The following AUTS2 variants were observed in gnomAD, a reference collection of about 807,000 sequenced individuals.
AUTS2 encodes the protein autism susceptibility gene 2 protein.
A neutral mutation model predicts 112.4 loss-of-function variants in AUTS2; 17 were observed. The observed-to-expected ratio is 0.15, with a 90% CI of 0.10 to 0.23. The LOEUF (loss-of-function observed/expected upper bound fraction) is 0.23. AUTS2 is among the 10% of genes least tolerant of loss of function. The pLI is 1.00. For synonymous variants in AUTS2, 751 were observed against 702.7 expected (o/e 1.07, Z -1.09); for missense variants, 1,510 against 1,701.6 (o/e 0.89, Z 1.98).
At chr7:69,827,495 G>A (rs1252959243) in intron 1 of AUTS2, among the ~76,000 whole-genome samples, 1 of 152,130 alleles carries the variant, frequency 6.6e-6, no homozygotes, top group Non-Finnish European at 1.5e-5. Flanking sequence ...GATGGCTGCA[G>A]TATATTCTTC....
chr7:69,850,327 A>T (rs1005910141), intron 1 of AUTS2, among the ~76,000 whole-genome samples: 1 of 145,366 alleles, frequency 6.9e-6, no homozygotes, highest in African/African-American at 2.5e-5. Flanking sequence ...AAACAAAAAA[A>T]CCCGGAGGTT....
intron 2 of AUTS2, among the ~76,000 whole-genome samples, chr7:70,081,157 C>T (rs1053462756): frequency 6.6e-6 from 1 of 151,836 alleles, no homozygotes; most frequent in Non-Finnish European, 1.5e-5. Flanking sequence ...AGAAGTGTTG[C>T]GATAATGGGA....
At chr7:69,627,523 AC>A (rs1794014196) in intron 1 of AUTS2, among the ~76,000 whole-genome samples, 1 of 152,174 alleles carries the variant, frequency 6.6e-6, no homozygotes, top group Admixed American at 6.5e-5. Flanking sequence ...ACAAAAAAAA[AC>A]AATAAAAAAA....
intron 4 of AUTS2, among the ~76,000 whole-genome samples, chr7:70,346,615 G>A (rs910965984): frequency 2.0e-5 from 3 of 152,068 alleles, no homozygotes; most frequent in Admixed American, 6.5e-5. Context: ...AGCTACCCCC[G>A]GGAAAGTCTG....
At chr7:70,361,577 A>G (rs970684288) in intron 4 of AUTS2, among the ~76,000 whole-genome samples, 1 of 152,128 alleles carries the variant, frequency 6.6e-6, no homozygotes, top group Non-Finnish European at 1.5e-5. Context: ...AGATGCCTTT[A>G]CGCTTCCTAG....
At chr7:70,229,204 C>A (rs1365755188) in intron 4 of AUTS2, among the ~76,000 whole-genome samples, 1 of 151,978 alleles carries the variant, frequency 6.6e-6, no homozygotes, top group Non-Finnish European at 1.5e-5. Context: ...GAATTAAGGT[C>A]TGTTGTCATT....
At chr7:70,743,400 C>T (rs1372960116) in intron 6 of AUTS2, among the ~76,000 whole-genome samples, 1 of 138,216 alleles carries the variant, frequency 7.2e-6, no homozygotes, top group Non-Finnish European at 1.5e-5. Context: ...ACTTGGGAGG[C>T]AGAGGTTGCA....
intron 1 of AUTS2, among the ~76,000 whole-genome samples, chr7:69,671,516 T>C (rs1796326352): frequency 6.6e-6 from 1 of 151,602 alleles, no homozygotes; most frequent in Non-Finnish European, 1.5e-5. Flanking sequence ...TGTGTGTGTG[T>C]GTGTGTGTCT....
chr7:69,724,267 T>G (rs903354391), intron 1 of AUTS2, among the ~76,000 whole-genome samples: 1 of 152,218 alleles, frequency 6.6e-6, no homozygotes, highest in African/African-American at 2.4e-5. Context: ...TTCTAGATTC[T>G]TTTTAACGAT....
chr7:70,520,923 A>G (rs1799617590), intron 5 of AUTS2, among the ~76,000 whole-genome samples: 1 of 152,152 alleles, frequency 6.6e-6, no homozygotes, highest in African/African-American at 2.4e-5. Flanking sequence ...ACGCTTGGAG[A>G]AACAATCTTT....
chr7:69,886,727 A>G (rs924622454), intron 1 of AUTS2, among the ~76,000 whole-genome samples: 1 of 151,094 alleles, frequency 6.6e-6, no homozygotes, highest in Non-Finnish European at 1.5e-5. Flanking sequence ...ACATATCAAG[A>G]GTTCTCTGCT....
intron 2 of AUTS2, among the ~76,000 whole-genome samples, chr7:69,993,737 CTCTCTGTCTCTG>C (rs368022499): frequency 1.8e-4 from 28 of 152,154 alleles, no homozygotes; most frequent in African/African-American, 6.5e-4. Context: ...GTCTTCCTGT[CTCTCTGTCTCTG>C]TCTCTGTCTG....
At chr7:69,683,900 A>T (rs894130343) in intron 1 of AUTS2, among the ~76,000 whole-genome samples, 1 of 152,184 alleles carries the variant, frequency 6.6e-6, no homozygotes, top group Non-Finnish European at 1.5e-5. Context: ...AGTAGAGTTA[A>T]TGAGACTCCG....
chr7:69,876,458 T>C (rs1367252680), intron 1 of AUTS2, among the ~76,000 whole-genome samples: 2 of 110,276 alleles, frequency 1.8e-5, no homozygotes, highest in East Asian at 5.6e-4. Context: ...ATAAAATACA[T>C]TATATATATA....
At chr7:69,753,711 T>C (rs1433009609) in intron 1 of AUTS2, among the ~76,000 whole-genome samples, 7 of 152,218 alleles carry the variant, frequency 4.6e-5, no homozygotes, top group African/African-American at 1.7e-4. Flanking sequence ...ATTTTGGTAT[T>C]TTGTCAAATG....
At position 70,774,114 on chromosome 7, in the gene AUTS2, A is replaced by C; in HGVS notation, c.1902+15A>C. 1 of 1,613,906 alleles carries C rather than the reference A, an allele frequency of 6.2e-7. No homozygotes were observed. The highest frequency in any genetic ancestry group is 8.5e-7 in the Non-Finnish European group (1 of 1,179,748). On this transcript the variant is annotated intron_variant, in intron 12 of 18. Transcript: ENST00000342771. The stretch of plus-strand genomic sequence containing the variant: ...AGGACCCGAGGGTACGTGCAAAGTC[A>C]GGCTTGGTCTCAGGTAACACCAGGG...
chr7:70,064,233 T>G (rs547495833), intron 2 of AUTS2, among the ~76,000 whole-genome samples: 26 of 152,316 alleles, frequency 1.7e-4, no homozygotes, highest in Admixed American at 1.4e-3. Context: ...AGATTACAAA[T>G]GCCTTGCCTG....
intron 5 of AUTS2, among the ~76,000 whole-genome samples, chr7:70,455,285 C>T (rs1475912558): frequency 1.3e-5 from 2 of 152,104 alleles, no homozygotes; most frequent in Admixed American, 1.3e-4. Flanking sequence ...GCTTTATTTC[C>T]ACTGTGCTTG....
At chr7:69,798,243 C>T (rs959868238) in intron 1 of AUTS2, among the ~76,000 whole-genome samples, 7 of 152,096 alleles carry the variant, frequency 4.6e-5, no homozygotes, top group Admixed American at 3.3e-4. Flanking sequence ...CTGGGAGGAA[C>T]GTAAGAGAAC....
Sources: gnomAD v4.1 joint callset for allele counts (sites outside exome capture counted in the v4.1 genomes callset) on GRCh38, gnomAD v4.1.1 for gene constraint, MANE v1.5 for transcripts, NCBI Gene and HGNC (gene_info 2026-07-23, HGNC 2026-07-21) for gene names.